PAG1: variants seen among roughly 807,000 people sequenced by gnomAD.
PAG1 encodes phosphoprotein associated with glycosphingolipid-enriched microdomains 1.
PAG1 carries 23 observed loss-of-function variants against 31.7 expected under a neutral mutation model. The observed-to-expected ratio is 0.73, with a 90% CI of 0.52 to 1.03. The LOEUF (loss-of-function observed/expected upper bound fraction) is 1.03, where lower values mean the gene tolerates loss of function less well. PAG1 is among the 50% of genes least tolerant of loss of function. The probability of loss-of-function intolerance (pLI) is 0.00; values close to 1 mark genes in which losing one functional copy is unlikely to be tolerated. For synonymous variants in PAG1, 214 were observed against 210.3 expected (o/e 1.02, Z -0.15); for missense variants, 473 against 540.7 (o/e 0.87, Z 1.24).
chr8:81,018,786 A>G (rs1050373830), intron 3 of PAG1, among the ~76,000 whole-genome samples: 1 of 152,186 alleles, frequency 6.6e-6, no homozygotes, highest in African/African-American at 2.4e-5. Context: ...TGTCTTTATT[A>G]GCAGTGTGAG....
Position 81,004,641 on chromosome 8 carries a change from A to C in PAG1, c.-80-11334T>G, listed in dbSNP as rs1271467404. 2.0e-5 allele frequency among the ~76,000 whole-genome samples: 3 copies of C among 152,232 alleles called. No homozygotes were observed. The East Asian group carries it at 5.8e-4, about 29-fold the overall frequency. On this transcript the variant is annotated intron_variant, in intron 3 of 8. Transcript: ENST00000220597. ...TATTGTTGAACTCCAAGCTTGTGCA[A>C]TCAGAACAAAAAAGCCACAAGTTCT...
chr8:81,043,916 A>G (rs1563640715), intron 2 of PAG1, among the ~76,000 whole-genome samples: 3 of 152,164 alleles, frequency 2.0e-5, no homozygotes, highest in Non-Finnish European at 4.4e-5. Context: ...CACTGATGGT[A>G]GTTCTCCCTG....
At position 81,076,904 on chromosome 8, in the gene PAG1, C is replaced by T. The variant is rs1809187729; in HGVS notation, c.-233-6734G>A. Among the ~76,000 whole-genome samples, 3 of 152,132 alleles carry T rather than the reference C, an allele frequency of 2.0e-5. No homozygotes were observed. In the South Asian group the frequency reaches 6.2e-4, roughly 32 times the overall value. On this transcript the variant is annotated intron_variant, in intron 1 of 8. Coordinates refer to ENST00000220597, the MANE Select transcript of PAG1 (RefSeq NM_018440.4). ...ATATACTTTTGTAAAGCATGGGAAG[C>T]TGTTATGCATAATTAGGCACTTAAA...
chr8:81,005,213 G>A (rs1455051655), intron 3 of PAG1, among the ~76,000 whole-genome samples: 1 of 152,136 alleles, frequency 6.6e-6, no homozygotes, highest in African/African-American at 2.4e-5. Context: ...GACTTAGGGG[G>A]CTTTCCAGGT....
chr8:81,098,239 T>C (rs1809557460), intron 1 of PAG1, among the ~76,000 whole-genome samples: 1 of 152,198 alleles, frequency 6.6e-6, no homozygotes, highest in Non-Finnish European at 1.5e-5. Flanking sequence ...AAAAGACTAA[T>C]GGGCTTGCTA....
At chr8:81,085,507 A>G (rs1809336394) in intron 1 of PAG1, among the ~76,000 whole-genome samples, 1 of 152,236 alleles carries the variant, frequency 6.6e-6, no homozygotes, top group Non-Finnish European at 1.5e-5. Context: ...TCCATCCTGT[A>G]CTCAACATGC....
intron 3 of PAG1, among the ~76,000 whole-genome samples, chr8:81,007,680 C>T (rs770473922): frequency 6.1e-5 from 8 of 130,880 alleles, no homozygotes; most frequent in Non-Finnish European, 1.2e-4. Context: ...AAATAAAACA[C>T]GGGAGCTTGA....
intron 2 of PAG1, among the ~76,000 whole-genome samples, chr8:81,044,153 C>A (rs888427784): frequency 5.3e-5 from 8 of 152,186 alleles, no homozygotes; most frequent in African/African-American, 1.7e-4. Context: ...GCAGTAACAT[C>A]TGAATGCCTG....
intron 3 of PAG1, among the ~76,000 whole-genome samples, chr8:81,026,573 C>G (rs1206581281): frequency 6.6e-6 from 1 of 151,804 alleles, no homozygotes; most frequent in African/African-American, 2.4e-5. Context: ...GCTCTCCCAG[C>G]TTTCTGGCGA....
intron 3 of PAG1, among the ~76,000 whole-genome samples, chr8:81,021,973 T>C (rs1010353717): frequency 5.9e-5 from 9 of 152,354 alleles, no homozygotes; most frequent in Admixed American, 2.6e-4. Flanking sequence ...AATGCAGTGA[T>C]AGTTTCCTTG....
In PAG1 at chr8:81,085,896, T is replaced by C. The variant is rs183534212; in HGVS notation, c.-233-15726A>G. The stretch of plus-strand genomic sequence containing the variant: ...TTATAGCATGCATTTTGGTCAATTA[T>C]GTTTTTTTGGTTTAGGATCTTTTTC... On this transcript the variant is annotated intron_variant, in intron 1 of 8. Transcript: ENST00000220597. 1.2e-4 allele frequency among the ~76,000 whole-genome samples: 19 copies of C among 152,198 alleles called. No homozygotes were observed. The East Asian group carries it at 3.3e-3, about 26-fold the overall frequency.
chr8:81,065,158 A>G (rs1470708522), intron 2 of PAG1, among the ~76,000 whole-genome samples: 1 of 152,156 alleles, frequency 6.6e-6, no homozygotes, highest in African/African-American at 2.4e-5. Flanking sequence ...TGGTGTCCTC[A>G]ATGGCACAAT....
chr8:81,063,155 T>C (rs1808944984), intron 2 of PAG1, among the ~76,000 whole-genome samples: 1 of 152,180 alleles, frequency 6.6e-6, no homozygotes, highest in South Asian at 2.1e-4. Context: ...TCTCTCCCAG[T>C]GGGCCTGGGC....
chr8:80,976,735 T>C lies in PAG1; in HGVS notation c.1108A>G (p.Asn370Asp). 6 of 1,614,124 alleles carry C rather than the reference T, an allele frequency of 3.7e-6. No homozygotes were observed. The highest frequency in any genetic ancestry group is 5.1e-6 in the Non-Finnish European group (6 of 1,179,996). ...CTCCCTGCTGGTGGAAGTGTGCTGT[T>C]TGGAGTTTTTTCGAAGTCTTTAACA... is the stretch of plus-strand genomic sequence containing the variant. ...ATVKDFEKTP[N>D]STLPPAGRPS... The change falls in exon 9 of 9, where the codon AAC (asparagine) becomes GAC (aspartate). Residue 370 changes from asparagine (N) to aspartate (D), a missense_variant. By Grantham distance (23) the Asn-to-Asp change is conservative. Coordinates refer to ENST00000220597, the MANE Select transcript of PAG1 (RefSeq NM_018440.4).
chr8:81,089,604 G>C (rs1244218430), intron 1 of PAG1, among the ~76,000 whole-genome samples: 5 of 151,668 alleles, frequency 3.3e-5, no homozygotes, highest in Non-Finnish European at 7.4e-5. Flanking sequence ...TGAGTTTAGG[G>C]AACATGAACT....
intron 2 of PAG1, among the ~76,000 whole-genome samples, chr8:81,063,054 T>G (rs1440150987): frequency 6.6e-6 from 1 of 152,218 alleles, no homozygotes; most frequent in African/African-American, 2.4e-5. Context: ...GAAGGAATAG[T>G]GCAGAGCTGC....
At chr8:81,064,549 G>C (rs1808972443) in intron 2 of PAG1, among the ~76,000 whole-genome samples, 1 of 152,184 alleles carries the variant, frequency 6.6e-6, no homozygotes, top group African/African-American at 2.4e-5. Context: ...TGTAAAAAAA[G>C]ACCTTGAAGG....
Position 80,984,866 on chromosome 8 carries a change from A to T in PAG1, c.786T>A (p.Val262=). ...GGTTTTCATTCTCGTCCAGAAGCTT[A>T]ACAGGGACAGGTGGTGGGGCCTCCT... ...PEEEAPPPVP[V]KLLDENENLQ... The change falls in exon 7 of 9, where the codon GTT becomes GTA. Residue 262 remains valine, a synonymous_variant. Coordinates refer to ENST00000220597, the MANE Select transcript of PAG1 (RefSeq NM_018440.4). 1 of 1,614,118 alleles carries T rather than the reference A, an allele frequency of 6.2e-7. No individual in the cohort carries two copies. The highest frequency in any genetic ancestry group is 8.5e-7 in the Non-Finnish European group (1 of 1,179,992).
intron 1 of PAG1, among the ~76,000 whole-genome samples, chr8:81,078,800 A>T (rs1205952777): frequency 6.6e-6 from 1 of 152,194 alleles, no homozygotes; most frequent in Non-Finnish European, 1.5e-5. Context: ...CCCATTTTAC[A>T]CATGAGGAAA....
Sources: gnomAD v4.1 joint callset for allele counts (sites outside exome capture counted in the v4.1 genomes callset) on GRCh38, gnomAD v4.1.1 for gene constraint, MANE v1.5 for transcripts, NCBI Gene and HGNC (gene_info 2026-07-23, HGNC 2026-07-21) for gene names.